Variants in CFAP46 observed in about 807,000 individuals in gnomAD.
CFAP46 encodes cilia and flagella associated protein 46.
In CFAP46, 245 loss-of-function variants were observed where a neutral mutation model predicts 325.7. That is an observed-to-expected ratio of 0.75 (90% CI 0.68 to 0.84). CFAP46 has a LOEUF of 0.84. Among genes scored for constraint, CFAP46 ranks in the 40% least tolerant of loss-of-function variants. CFAP46 has a pLI of 0.00. For synonymous variants in CFAP46, 1,523 were observed against 1,495.9 expected (o/e 1.02, Z -0.42); for missense variants, 3,346 against 3,543.0 (o/e 0.94, Z 1.41).
intron 57 of CFAP46, among the ~76,000 whole-genome samples, chr10:132,809,890 A>C (rs1847543066): frequency 6.6e-6 from 1 of 152,156 alleles, no homozygotes; most frequent in Non-Finnish European, 1.5e-5. Context: ...GCTCTCCAGG[A>C]CGCCAATGGG....
chr10:132,880,095 C>T (rs1045349309), intron 28 of CFAP46, among the ~76,000 whole-genome samples: 1 of 150,390 alleles, frequency 6.6e-6, no homozygotes. Context: ...CCCTGCTGTG[C>T]GCACGTGTGT....
At position 132,886,938 on chromosome 10, in the gene CFAP46, C is replaced by G. The variant is rs140504304; in HGVS notation, c.3305-979G>C. ...GCACACCCTTCCCCTGACGGTAATT[C>G]CCACACCCTCCCAGCTCTTTCAGAG... On this transcript the variant is annotated intron_variant, in intron 25 of 57. Transcript: ENST00000368586. This position sits in a 1 kb window ranked among gnomAD's most constrained non-coding sequence, Gnocchi z 5.8. 6.6e-6 allele frequency among the ~76,000 whole-genome samples: 1 copy of G among 152,168 alleles called. No individual in the cohort carries two copies. The highest frequency in any genetic ancestry group is 1.9e-4 in the East Asian group (1 of 5,172).
At chr10:132,924,157 C>T in intron 11 of CFAP46, among the ~76,000 whole-genome samples, 1 of 151,988 alleles carries the variant, frequency 6.6e-6, no homozygotes, top group East Asian at 1.9e-4. Flanking sequence ...TTGCACCTCA[C>T]CCCCAGTACC....
chr10:132,922,623 G>T lies in CFAP46; in HGVS notation c.1342C>A (p.His448Asn). The T allele has an allele frequency of 6.5e-7, 1 of 1,549,672 alleles. No individual in the cohort carries two copies. ...TCCAGGCGCGCGGCTTTCCGGAGGT[G>T]CTCCGTGGCGGGCTCCAGCCGGTCC... ...DEDRLEPATE[H>N]LRKAARLDSL... Residue 448 changes from histidine to asparagine, a missense_variant, in exon 12 of 58, where the codon CAC becomes AAC. Physicochemically the swap from His to Asn is moderately conservative, Grantham distance 68. Coordinates refer to ENST00000368586, the MANE Select transcript of CFAP46 (RefSeq NM_001200049.3).
chr10:132,822,156 T>G (rs1847862776), intron 50 of CFAP46, among the ~76,000 whole-genome samples: 2 of 144,526 alleles, frequency 1.4e-5, no homozygotes, highest in African/African-American at 2.7e-5. Flanking sequence ...TGATGTGTGC[T>G]GTGTGCTGTG....
chr10:132,819,763 T>C (rs1439717301), intron 50 of CFAP46, among the ~76,000 whole-genome samples: 1 of 152,206 alleles, frequency 6.6e-6, no homozygotes, highest in Non-Finnish European at 1.5e-5. Flanking sequence ...CAGGCTTAAA[T>C]GTAAGACCTG....
At chr10:132,879,686 C>A in intron 28 of CFAP46, 55 bp from the exon 29 acceptor site, 5 of 1,433,496 alleles carry the variant, frequency 3.5e-6, no homozygotes, top group Non-Finnish European at 4.6e-6. Flanking sequence ...GTCTGTGGGC[C>A]CCAGGCCACT....
chr10:132,913,363 A>ATT, intron 17 of CFAP46, 105 bp from the exon 18 acceptor site: 1 of 357,596 alleles, frequency 2.8e-6, no homozygotes, highest in Admixed American at 3.6e-5. Context: ...CAGGGCAAGA[A>ATT]GTGGGAGGGG....
chr10:132,941,191 C>T (rs1373631975), intron 3 of CFAP46, 131 bp from the exon 4 acceptor site: 9 of 886,492 alleles, frequency 1.0e-5, no homozygotes, highest in South Asian at 4.4e-5. Flanking sequence ...CCACAGGTGA[C>T]GGTGTGGCAG....
intron 53 of CFAP46, 34 bp from the exon 54 acceptor site, chr10:132,814,288 T>A (rs1167265576): frequency 6.4e-7 from 1 of 1,555,248 alleles, no homozygotes; most frequent in East Asian, 2.2e-5. Context: ...CAGACCACGG[T>A]GTTTCATCAG....
chr10:132,884,986 T>C lies in CFAP46; in HGVS notation c.3627+117A>G, dbSNP rs114449920. On this transcript the variant is annotated intron_variant, in intron 27 of 57. Transcript: ENST00000368586. This position sits in a 1 kb window ranked among gnomAD's most constrained non-coding sequence, Gnocchi z 5.4. ...CGGTGCATTCTCTGTGCCCGTCAGC[T>C]GTGGCTGCTCTGCGTGCTGCCCCAC... The C allele has an allele frequency of 0.034, 37,729 of 1,119,490 alleles. 3,345 individuals carry two copies. The highest frequency in any genetic ancestry group is 0.31 in the African/African-American group (19,386 of 63,340). The allele number at this position is 1,119,490 out of a possible 1,614,324, so 69.3% of individuals were successfully genotyped here.
chr10:132,895,475 A>G (rs1849306046), intron 24 of CFAP46, among the ~76,000 whole-genome samples: 2 of 152,162 alleles, frequency 1.3e-5, no homozygotes, highest in Non-Finnish European at 1.5e-5. Flanking sequence ...AAGAAAGAAC[A>G]CGGTGAGAAG....
At chr10:132,825,459 G>A (rs750983109) in intron 50 of CFAP46, among the ~76,000 whole-genome samples, 2 of 152,192 alleles carry the variant, frequency 1.3e-5, no homozygotes, top group Admixed American at 6.5e-5. Flanking sequence ...CGATGAACAC[G>A]TGCATGGCCT....
chr10:132,885,232 C>A lies in CFAP46; in HGVS notation c.3498G>T (p.Ser1166=), dbSNP rs190023468. The A allele has an allele frequency of 3.2e-6, 5 of 1,550,386 alleles. No individual in the cohort carries two copies. In the South Asian group the frequency reaches 3.6e-5, roughly 11 times the overall value. Residue 1166 remains serine (S), a synonymous_variant, in exon 27 of 58, where the codon TCG becomes TCT. Transcript: ENST00000368586. ...CGGCCTTGAATTTCTGTATTTCCAT[C>A]GAAAAATTCTGCCCGAGCTTGGCCT... ...IVKAKLGQNF[S]MEIQKFKAES...
At chr10:132,834,266 G>T in intron 48 of CFAP46, 143 bp from the exon 49 acceptor site, 1 of 767,962 alleles carries the variant, frequency 1.3e-6, no homozygotes, top group Non-Finnish European at 2.1e-6. Context: ...GTCCCACTGA[G>T]GTGGGGCCGG....
chr10:132,938,486 G>C (rs1850045556), intron 5 of CFAP46, 103 bp downstream of exon 5: 1 of 1,123,406 alleles, frequency 8.9e-7, no homozygotes, highest in Admixed American at 2.0e-5. Flanking sequence ...GTGTGCCCCA[G>C]TGATGTGGAA....
chr10:132,869,511 A>G lies in CFAP46; in HGVS notation c.4512-139T>C. The G allele has an allele frequency of 1.8e-6, 1 of 568,350 alleles. No homozygotes were observed. Among genetic ancestry groups the G allele is most frequent in the Non-Finnish European group, 2.8e-6 (1 of 352,240 alleles). 35.2% of individuals were successfully genotyped at this position (568,350 alleles called of 1,614,324 possible). On this transcript the variant is annotated intron_variant, in intron 32 of 57. Transcript: ENST00000368586. This position sits in a 1 kb window ranked among gnomAD's most constrained non-coding sequence, Gnocchi z 6.2. ...GGATGGTATTTTCAATCATTTTTAAAGGTAAGCGAAATTACTAGGGAAAAG... is the reference window on the plus strand; with the variant it reads ...GGATGGTATTTTCAATCATTTTTAAGGGTAAGCGAAATTACTAGGGAAAAG...
intron 4 of CFAP46, among the ~76,000 whole-genome samples, chr10:132,940,556 G>C (rs572541436): frequency 2.6e-5 from 4 of 152,126 alleles, no homozygotes; most frequent in Non-Finnish European, 5.9e-5. Flanking sequence ...GGGTGCGCCC[G>C]GGGAGGCCCT....
At position 132,907,668 on chromosome 10, in the gene CFAP46, C is replaced by T. The variant is rs1315887769; in HGVS notation, c.2924+800G>A. The stretch of plus-strand genomic sequence containing the variant: ...AAAATTCCCTTCGACCTGCCATGGG[C>T]GGAGTGTCCGTGTCCCCTCAAAATT... On this transcript the variant is annotated intron_variant, in intron 22 of 57. Transcript: ENST00000368586. 4.6e-5 allele frequency among the ~76,000 whole-genome samples: 7 copies of T among 152,338 alleles called. No individual in the cohort carries two copies. The East Asian group carries it at 5.8e-4, about 13-fold the overall frequency.
Sources: allele counts gnomAD v4.1 joint callset (sites outside exome capture counted in the v4.1 genomes callset), GRCh38; gene constraint gnomAD v4.1.1; non-coding constraint Gnocchi (gnomAD v3.1); transcripts MANE v1.5; gene names NCBI Gene and HGNC (gene_info 2026-07-23, HGNC 2026-07-21).